The following BRINP1 variants were observed in gnomAD, a reference collection of about 807,000 sequenced individuals.
BRINP1 encodes BMP/retinoic acid-inducible neural-specific protein 1.
Under a neutral mutation model 72.9 loss-of-function variants are expected in BRINP1, and 17 were observed. That is an observed-to-expected ratio of 0.23 (90% CI 0.16 to 0.35). BRINP1 has a LOEUF of 0.35. Ranked by LOEUF, BRINP1 falls within the 10% of genes least tolerant of loss-of-function variation. BRINP1 has a pLI of 1.00. For synonymous variants in BRINP1, 418 were observed against 378.5 expected (o/e 1.10, Z -1.21); for missense variants, 850 against 1,001.6 (o/e 0.85, Z 2.04).
chr9:119,174,094 A>T (rs1829451873), intron 7 of BRINP1, among the ~76,000 whole-genome samples: 1 of 145,436 alleles, frequency 6.9e-6, no homozygotes, highest in South Asian at 2.2e-4. Context: ...AGCAATGGCA[A>T]CTGAAGACAA....
intron 1 of BRINP1, among the ~76,000 whole-genome samples, chr9:119,324,024 A>C (rs550898879): frequency 3.7e-4 from 56 of 152,342 alleles, no homozygotes; most frequent in Non-Finnish European, 6.6e-4. Context: ...ACCTGATCCA[A>C]GAGTTAAGTC....
At chr9:119,250,471 C>T (rs1362413234) in intron 2 of BRINP1, among the ~76,000 whole-genome samples, 1 of 152,200 alleles carries the variant, frequency 6.6e-6, no homozygotes, top group Non-Finnish European at 1.5e-5. Flanking sequence ...TCTAGACCTA[C>T]ATTTCTTCAT....
At chr9:119,298,418 T>G (rs373403898) in intron 2 of BRINP1, among the ~76,000 whole-genome samples, 2 of 152,166 alleles carry the variant, frequency 1.3e-5, no homozygotes, top group Non-Finnish European at 2.9e-5. Flanking sequence ...AAAGATCTAA[T>G]ATAGAATGAA....
intron 1 of BRINP1, among the ~76,000 whole-genome samples, chr9:119,362,117 T>C (rs1051279510): frequency 7.7e-6 from 1 of 129,968 alleles, no homozygotes; most frequent in Non-Finnish European, 1.6e-5. Context: ...CATGCCTGAC[T>C]GCAACATTTT....
chr9:119,246,010 C>T (rs1316623307), intron 3 of BRINP1, among the ~76,000 whole-genome samples: 1 of 152,084 alleles, frequency 6.6e-6, no homozygotes, highest in Non-Finnish European at 1.5e-5. Context: ...ATAGTAAGAA[C>T]AAGAGTAGTA....
chr9:119,304,874 C>T (rs1309456356), intron 2 of BRINP1, among the ~76,000 whole-genome samples: 1 of 152,222 alleles, frequency 6.6e-6, no homozygotes, highest in Non-Finnish European at 1.5e-5. Context: ...CTCTCTTTCT[C>T]CCTTTCTCCC....
intron 5 of BRINP1, among the ~76,000 whole-genome samples, chr9:119,224,146 T>C (rs561333757): frequency 6.6e-6 from 1 of 152,160 alleles, no homozygotes; most frequent in South Asian, 2.1e-4. Context: ...TATGACATGG[T>C]TTATGGCCTC....
chr9:119,298,386 T>C (rs1830903331), intron 2 of BRINP1, among the ~76,000 whole-genome samples: 1 of 152,142 alleles, frequency 6.6e-6, no homozygotes, highest in Non-Finnish European at 1.5e-5. Flanking sequence ...GGAGAAGGAA[T>C]TTGAGGCTCA....
intron 2 of BRINP1, among the ~76,000 whole-genome samples, chr9:119,267,613 G>A (rs1404310909): frequency 2.0e-5 from 3 of 150,446 alleles, no homozygotes; most frequent in Non-Finnish European, 4.4e-5. Flanking sequence ...TCTACCCTGG[G>A]CAACAAGAGT....
chr9:119,227,717 C>A (rs542348373), intron 5 of BRINP1, among the ~76,000 whole-genome samples: 2 of 152,136 alleles, frequency 1.3e-5, no homozygotes, highest in African/African-American at 4.8e-5. Context: ...CAGGTACTGG[C>A]AACAATCACT....
chr9:119,223,317 A>G (rs932017591), intron 5 of BRINP1, among the ~76,000 whole-genome samples: 12 of 152,256 alleles, frequency 7.9e-5, no homozygotes, highest in African/African-American at 2.6e-4. Context: ...TATGTAAATT[A>G]TATGTCAATG....
At chr9:119,215,330 A>G (rs924823196) in intron 5 of BRINP1, among the ~76,000 whole-genome samples, 2 of 152,222 alleles carry the variant, frequency 1.3e-5, no homozygotes, top group African/African-American at 4.8e-5. Flanking sequence ...ACCTATGAAA[A>G]GTCAGCAGAG....
At chr9:119,257,325 C>G (rs1830455451) in intron 2 of BRINP1, among the ~76,000 whole-genome samples, 1 of 152,098 alleles carries the variant, frequency 6.6e-6, no homozygotes. Context: ...TAGCCTAATG[C>G]ATATAATGAA....
intron 2 of BRINP1, among the ~76,000 whole-genome samples, chr9:119,289,508 T>TA (rs1489019223): frequency 6.6e-6 from 1 of 152,180 alleles, no homozygotes; most frequent in Non-Finnish European, 1.5e-5. Context: ...TGGCATGAGT[T>TA]AGAGGTAGAA....
intron 2 of BRINP1, among the ~76,000 whole-genome samples, chr9:119,298,594 T>G (rs1289189416): frequency 1.3e-5 from 2 of 152,044 alleles, no homozygotes; most frequent in Non-Finnish European, 2.9e-5. Context: ...CTTTATTCCA[T>G]GTACCTAGCA....
At chr9:119,292,119 C>G (rs1469716998) in intron 2 of BRINP1, among the ~76,000 whole-genome samples, 1 of 152,128 alleles carries the variant, frequency 6.6e-6, no homozygotes. Context: ...ATGTTCAGCC[C>G]TAATATCTAT....
chr9:119,309,398 T>C (rs1464896690), intron 2 of BRINP1, among the ~76,000 whole-genome samples: 1 of 152,192 alleles, frequency 6.6e-6, no homozygotes, highest in Non-Finnish European at 1.5e-5. Flanking sequence ...ATCCCAGCTG[T>C]GCCACTTTCC....
At chr9:119,291,601 T>C (rs1357077064) in intron 2 of BRINP1, among the ~76,000 whole-genome samples, 1 of 152,232 alleles carries the variant, frequency 6.6e-6, no homozygotes, top group Non-Finnish European at 1.5e-5. Flanking sequence ...GTTTACAAGC[T>C]TCCTGTACAT....
chr9:119,313,865 T>C (rs1176936675), intron 1 of BRINP1, among the ~76,000 whole-genome samples: 1 of 152,246 alleles, frequency 6.6e-6, no homozygotes, highest in East Asian at 1.9e-4. Context: ...TACCCTCTTC[T>C]GTCTTCACTA....
Sources: gnomAD v4.1 joint callset for allele counts (sites outside exome capture counted in the v4.1 genomes callset) on GRCh38, gnomAD v4.1.1 for gene constraint, MANE v1.5 for transcripts, NCBI Gene and HGNC (gene_info 2026-07-23, HGNC 2026-07-21) for gene names.